The following CNIH3 variants were observed in gnomAD, a reference collection of about 807,000 sequenced individuals.
The protein encoded by CNIH3 is protein cornichon homolog 3.
Under a neutral mutation model 24.1 loss-of-function variants are expected in CNIH3, and 14 were observed. The observed-to-expected ratio is 0.58, with a 90% CI of 0.38 to 0.91. The LOEUF (loss-of-function observed/expected upper bound fraction) is 0.91. CNIH3 is among the 40% of genes least tolerant of loss of function. CNIH3 has a pLI of 0.00. For synonymous variants in CNIH3, 68 were observed against 73.8 expected (o/e 0.92, Z 0.40); for missense variants, 178 against 196.8 (o/e 0.90, Z 0.57).
chr1:224,697,348 T>G (rs1401592107), intron 3 of CNIH3, among the ~76,000 whole-genome samples: 1 of 152,220 alleles, frequency 6.6e-6, no homozygotes, highest in Non-Finnish European at 1.5e-5. Context: ...CTTGTTTTTT[T>G]AACAGCTCTC....
At chr1:224,459,556 A>T (rs996905123) in intron 1 of CNIH3, among the ~76,000 whole-genome samples, 3 of 151,980 alleles carry the variant, frequency 2.0e-5, no homozygotes, top group Non-Finnish European at 4.4e-5. Flanking sequence ...AATAAAATAG[A>T]TCTGTTTGTG....
intron 3 of CNIH3, among the ~76,000 whole-genome samples, chr1:224,611,230 T>G (rs1450153679): frequency 1.3e-5 from 2 of 152,126 alleles, no homozygotes; most frequent in Admixed American, 6.6e-5. Context: ...GGCTAGCAAG[T>G]CAGGAGGGCA....
rs774533696 is a variant in CNIH3, at chr1:224,458,094, C to T, written n.203+23232C>T. The stretch of plus-strand genomic sequence containing the variant: ...GATATTCCCTTCCAGGGCTCCTACC[C>T]TCTCCTGATTTTGCATCCAGGGACG... On this transcript the variant is annotated intron_variant and non_coding_transcript_variant, in intron 1 of 5. Coordinates refer to the CNIH3 transcript ENST00000471578. The surrounding 1 kb of genome is among the most constrained non-coding windows in gnomAD (Gnocchi z 4.3). Among the ~76,000 whole-genome samples, 1 of 152,206 alleles carries T rather than the reference C, an allele frequency of 6.6e-6. No individual in the cohort carries two copies. The highest frequency in any genetic ancestry group is 1.5e-5 in the Non-Finnish European group (1 of 68,032).
intron 3 of CNIH3, among the ~76,000 whole-genome samples, chr1:224,607,206 A>C (rs1682467417): frequency 6.6e-6 from 1 of 152,220 alleles, no homozygotes; most frequent in Non-Finnish European, 1.5e-5. Flanking sequence ...TCCAATGGTA[A>C]GTGCTGTAAA....
rs1329155475 is a variant in CNIH3, at chr1:224,704,043, G to A, written c.198+19200G>A. Reference sequence around the variant, plus strand: ...TACATCTCTCAGAGGTGCGCCTTTGGTGGAGTGAGAACATGAACTACTGTT... The same window carrying A: ...TACATCTCTCAGAGGTGCGCCTTTGATGGAGTGAGAACATGAACTACTGTT... On this transcript the variant is annotated intron_variant, in intron 3 of 5. Transcript: ENST00000272133. This position sits in a 1 kb window ranked among gnomAD's most constrained non-coding sequence, Gnocchi z 4.2. Among the ~76,000 whole-genome samples, 4 of 152,198 alleles carry A rather than the reference G, an allele frequency of 2.6e-5. No homozygotes were observed. Among genetic ancestry groups the A allele is most frequent in the African/African-American group, 9.7e-5 (4 of 41,444 alleles).
rs188833847 is a variant in CNIH3 at position 224,463,820 on chromosome 1, T to C, written n.203+28958T>C. Among the ~76,000 whole-genome samples, 24 of 120,096 alleles carry C rather than the reference T, an allele frequency of 2.0e-4. No individual in the cohort carries two copies. In the East Asian group the frequency reaches 6.9e-3, roughly 34 times the overall value. The allele number at this position is 120,096 out of a possible 152,430, so 78.8% of individuals were successfully genotyped here. On this transcript the variant is annotated intron_variant and non_coding_transcript_variant, in intron 1 of 5. Coordinates refer to the CNIH3 transcript ENST00000471578. The stretch of plus-strand genomic sequence containing the variant: ...TTTTTTTTTTTTTTTAGAGGGAGTC[T>C]CGCTCTGTCGCCCAGGCTGGAGTGC...
intron 3 of CNIH3, among the ~76,000 whole-genome samples, chr1:224,601,527 C>T (rs1386315218): frequency 6.6e-6 from 1 of 152,068 alleles, no homozygotes; most frequent in Admixed American, 6.5e-5. Context: ...TGGCTGTGAC[C>T]AGTTATTATT....
At chr1:224,629,804 T>A (rs6672806) in intron 1 of CNIH3, among the ~76,000 whole-genome samples, 36,522 of 152,014 alleles carry the variant, frequency 0.24, 5,054 homozygotes, top group African/African-American at 0.38. Context: ...GGTTGCTGTC[T>A]CTCTGCTGTC....
chr1:224,649,399 A>G (rs1684762423), intron 1 of CNIH3, among the ~76,000 whole-genome samples: 2 of 152,074 alleles, frequency 1.3e-5, no homozygotes, highest in South Asian at 2.1e-4. Flanking sequence ...GCCCTCCAAG[A>G]CCCATTTTGG....
At chr1:224,636,952 CTTT>C (rs202049764) in intron 1 of CNIH3, among the ~76,000 whole-genome samples, 2 of 134,284 alleles carry the variant, frequency 1.5e-5, no homozygotes, top group Admixed American at 7.5e-5. Flanking sequence ...GAGATGCATT[CTTT>C]TTTTTTTTTT....
chr1:224,462,123 G>A (rs1328341701), intron 1 of CNIH3, among the ~76,000 whole-genome samples: 2 of 152,096 alleles, frequency 1.3e-5, no homozygotes, highest in South Asian at 2.1e-4. Flanking sequence ...CATCCGCACC[G>A]TTGGTGTATT....
At chr1:224,558,577 T>C (rs981192426) in intron 3 of CNIH3, among the ~76,000 whole-genome samples, 2 of 152,194 alleles carry the variant, frequency 1.3e-5, no homozygotes, top group Non-Finnish European at 2.9e-5. Context: ...GTGCTAGCAA[T>C]TCTAAACAAT....
At chr1:224,534,241 A>G (rs1207727154) in intron 2 of CNIH3, among the ~76,000 whole-genome samples, 3 of 152,242 alleles carry the variant, frequency 2.0e-5, no homozygotes, top group Non-Finnish European at 4.4e-5. Flanking sequence ...TCTGCTAAGC[A>G]AATTACTGTG....
At chr1:224,562,872 A>G (rs1392786866) in intron 3 of CNIH3, among the ~76,000 whole-genome samples, 2 of 152,156 alleles carry the variant, frequency 1.3e-5, no homozygotes. Context: ...GACTGATACC[A>G]GGGGTTGGAG....
At chr1:224,456,348 G>A (rs1355247995) in intron 1 of CNIH3, among the ~76,000 whole-genome samples, 1 of 152,164 alleles carries the variant, frequency 6.6e-6, no homozygotes, top group African/African-American at 2.4e-5. Flanking sequence ...GACATGAGAT[G>A]TGGTCCAGGG....
chr1:224,617,017 T>A lies in CNIH3; in HGVS notation c.-158T>A, dbSNP rs1382505982. On this transcript the variant is annotated 5_prime_UTR_variant, in exon 1 of 6. Transcript: ENST00000272133. ...CTGCGGGAATCCAGCGCTTATTCGC[T>A]GACCCTCGAGTCGCTTCGCTAGCTG... 28 of 1,413,900 alleles carry A rather than the reference T, an allele frequency of 2.0e-5. No homozygotes were observed. The highest frequency in any genetic ancestry group is 2.4e-5 in the Non-Finnish European group (26 of 1,088,024). The allele number at this position is 1,413,900 out of a possible 1,614,324, so 87.6% of individuals were successfully genotyped here.
intron 1 of CNIH3, among the ~76,000 whole-genome samples, chr1:224,500,951 C>T (rs1484554904): frequency 6.6e-6 from 1 of 152,108 alleles, no homozygotes; most frequent in Non-Finnish European, 1.5e-5. Flanking sequence ...ACACCCTGCA[C>T]CATCACATCT....
chr1:224,501,230 G>A (rs1011957689), intron 1 of CNIH3, among the ~76,000 whole-genome samples: 3 of 152,168 alleles, frequency 2.0e-5, no homozygotes, highest in Non-Finnish European at 4.4e-5. Flanking sequence ...GAGGTAGGCG[G>A]AGTCATACTT....
intron 1 of CNIH3, among the ~76,000 whole-genome samples, chr1:224,453,745 C>A (rs2102969811): frequency 6.6e-6 from 1 of 151,912 alleles, no homozygotes; most frequent in East Asian, 1.9e-4. Context: ...ATTGTGGGAT[C>A]AAGCCATCCT....
Sources: allele counts gnomAD v4.1 joint callset (sites outside exome capture counted in the v4.1 genomes callset), GRCh38; gene constraint gnomAD v4.1.1; non-coding constraint Gnocchi (gnomAD v3.1); transcripts MANE v1.5; gene names NCBI Gene and HGNC (gene_info 2026-07-23, HGNC 2026-07-21).